Variants in RGS8 observed in about 807,000 individuals in gnomAD.
RGS8 encodes the protein regulator of G protein signaling 8, also known as regulator of G-protein signaling 8.
RGS8 carries 8 observed loss-of-function variants against 21.7 expected under a neutral mutation model. That is an observed-to-expected ratio of 0.37 (90% confidence interval 0.22 to 0.66). RGS8 has a LOEUF of 0.66. RGS8 is among the 30% of genes least tolerant of loss of function. The pLI, the probability that RGS8 is intolerant of heterozygous loss-of-function variation, is 0.59. For synonymous variants in RGS8, 80 were observed against 83.6 expected, an observed-to-expected ratio of 0.96 and a Z score of 0.24; for missense variants, 157 against 217.9, an observed-to-expected ratio of 0.72 and a Z score of 1.76.
intron 3 of RGS8, among the ~76,000 whole-genome samples, chr1:182,667,827 C>T (rs1316508514): frequency 6.6e-6 from 1 of 152,042 alleles, no homozygotes; most frequent in African/African-American, 2.4e-5. Flanking sequence ...CCGTTTACCA[C>T]TTTACCTTTC....
At chr1:182,750,910 T>G in the RGS8 span, among the ~76,000 whole-genome samples, 1 of 152,340 alleles carries the variant, frequency 6.6e-6, no homozygotes, top group African/African-American at 2.4e-5. Context: ...TTATATGAGA[T>G]ATGCAGAAAG....
In RGS8 at chr1:182,648,299, C is replaced by G. The variant is rs1291014880; in HGVS notation, c.198G>C (p.Gly66=). ...TCAAGAAGGCACGGAATGCAGCCAC[C>G]CCATCTGCGGATGTGGGAGGAAGAA... Residue 66 remains glycine (G), a synonymous_variant, in exon 6 of 7, where the codon GGG becomes GGC. Transcript: ENST00000483095. The G allele has an allele frequency of 1.9e-6, 3 of 1,612,744 alleles. No individual in the cohort carries two copies. The Admixed American group carries it at 5.0e-5, about 27-fold the overall frequency.
chr1:182,724,275 C>G, the RGS8 span, among the ~76,000 whole-genome samples: 3 of 116,366 alleles, frequency 2.6e-5, no homozygotes, highest in Non-Finnish European at 3.5e-5. Flanking sequence ...TCTAGAGAAC[C>G]CTGACTAATA....
At chr1:182,653,282 G>A (rs1663107760) in intron 5 of RGS8, among the ~76,000 whole-genome samples, 1 of 152,186 alleles carries the variant, frequency 6.6e-6, no homozygotes, top group African/African-American at 2.4e-5. Context: ...GAATGAAGTG[G>A]AAACAGTCAT....
exon 4 of RGS8, chr1:182,666,879 C>A (rs768666544): frequency 6.2e-7 from 1 of 1,613,384 alleles, no homozygotes; most frequent in African/African-American, 1.3e-5. Context: ...CACTTGAGAG[C>A]GCGGTTGGGT....
upstream of RGS8, chr1:182,672,067 A>T (rs540245207): frequency 6.6e-4 from 248 of 377,944 alleles, no homozygotes; most frequent in African/African-American, 4.8e-3. Context: ...GCTCAGGGAG[A>T]AGTCCCCACA....
the RGS8 span, among the ~76,000 whole-genome samples, chr1:182,739,425 G>C: frequency 1.3e-5 from 2 of 152,154 alleles, no homozygotes; most frequent in Non-Finnish European, 2.9e-5. Context: ...TGACGTGGGG[G>C]AACTGATGTT....
At chr1:182,656,908 C>T (rs1040313051) in intron 5 of RGS8, among the ~76,000 whole-genome samples, 1 of 152,166 alleles carries the variant, frequency 6.6e-6, no homozygotes, top group Non-Finnish European at 1.5e-5. Context: ...ATGCCTATCC[C>T]TCTCAGCCCC....
the RGS8 span, among the ~76,000 whole-genome samples, chr1:182,750,960 A>T: frequency 2.6e-5 from 4 of 152,252 alleles, no homozygotes; most frequent in African/African-American, 9.6e-5. Context: ...TGGCTTTAAA[A>T]TAAAGCAAAG....
At chr1:182,667,572 A>G (rs990309262) in intron 3 of RGS8, among the ~76,000 whole-genome samples, 1 of 152,238 alleles carries the variant, frequency 6.6e-6, no homozygotes, top group African/African-American at 2.4e-5. Context: ...ACAATCAGCA[A>G]TTAAGAACCA....
upstream of RGS8, among the ~76,000 whole-genome samples, chr1:182,687,055 C>A (rs750101133): frequency 6.6e-6 from 1 of 152,030 alleles, no homozygotes; most frequent in Non-Finnish European, 1.5e-5. Flanking sequence ...AGGTGACCAC[C>A]GGGAACGTGG....
At chr1:182,731,119 C>T in the RGS8 span, among the ~76,000 whole-genome samples, 47 of 152,294 alleles carry the variant, frequency 3.1e-4, no homozygotes, top group East Asian at 8.9e-3. Flanking sequence ...CTTTAATAGC[C>T]GTTTTATTCC....
At chr1:182,741,587 C>T in the RGS8 span, among the ~76,000 whole-genome samples, 2 of 116,180 alleles carry the variant, frequency 1.7e-5, no homozygotes, top group East Asian at 2.9e-4. Context: ...GCAGAGGCGC[C>T]CCTCACCTCC....
chr1:182,737,644 T>C, the RGS8 span, among the ~76,000 whole-genome samples: 2 of 152,254 alleles, frequency 1.3e-5, no homozygotes, highest in Non-Finnish European at 2.9e-5. Flanking sequence ...TGTGGAACTA[T>C]GAGTCCATCA....
At chr1:182,659,193 A>T (rs1663455315) in intron 5 of RGS8, among the ~76,000 whole-genome samples, 1 of 152,198 alleles carries the variant, frequency 6.6e-6, no homozygotes. Context: ...GAGTAAGGAG[A>T]GCCTGGGTTT....
the RGS8 span, among the ~76,000 whole-genome samples, chr1:182,740,139 C>T: frequency 1.3e-5 from 2 of 152,206 alleles, no homozygotes; most frequent in African/African-American, 4.8e-5. Flanking sequence ...ATCCTAGTTT[C>T]CATCTGTGCA....
the RGS8 span, among the ~76,000 whole-genome samples, chr1:182,741,347 C>T: frequency 8.0e-6 from 1 of 124,872 alleles, no homozygotes; most frequent in Non-Finnish European, 1.7e-5. Context: ...GGGCGGCTGG[C>T]CGGGCGGGGG....
upstream of RGS8, among the ~76,000 whole-genome samples, chr1:182,689,136 T>C (rs949392593): frequency 1.3e-5 from 2 of 152,134 alleles, no homozygotes; most frequent in African/African-American, 4.8e-5. Context: ...TATAGAGATA[T>C]AGAAGACTGT....
At chr1:182,748,537 G>A in the RGS8 span, among the ~76,000 whole-genome samples, 1 of 152,080 alleles carries the variant, frequency 6.6e-6, no homozygotes, top group Admixed American at 6.5e-5. Flanking sequence ...TCCATGTCTT[G>A]GCTATTGTGA....
Sources: allele counts gnomAD v4.1 joint callset (sites outside exome capture counted in the v4.1 genomes callset), GRCh38; gene constraint gnomAD v4.1.1; transcripts MANE v1.5; gene names NCBI Gene and HGNC (gene_info 2026-07-23, HGNC 2026-07-21).